NNMT: variants seen among roughly 807,000 people sequenced by gnomAD.
The protein encoded by NNMT is nicotinamide N-methyltransferase.
A neutral mutation model predicts 11.7 loss-of-function variants in NNMT; 10 were observed. The ratio of observed to expected loss-of-function variants is 0.85; its 90% CI spans 0.53 to 1.45. NNMT has a LOEUF of 1.45. Among genes scored for constraint, NNMT ranks in the 40% most tolerant of loss-of-function variants. NNMT has a pLI of 0.00. For synonymous variants in NNMT, 143 were observed against 133.8 expected, an observed-to-expected ratio of 1.07 and a Z score of -0.48; for missense variants, 381 against 319.4, an observed-to-expected ratio of 1.19 and a Z score of -1.47.
At chr11:114,295,419 C>CTTTTTT (rs35621813), upstream of NNMT, among the ~76,000 whole-genome samples, 22 of 85,010 alleles carry the variant, frequency 2.6e-4, no homozygotes, top group African/African-American at 6.1e-4. Context: ...TTAAAGAATT[C>CTTTTTT]TTTTTTTTTT....
At chr11:114,297,827 G>A in intron 1 of NNMT, 124 bp from the exon 2 acceptor site, 1 of 783,458 alleles carries the variant, frequency 1.3e-6, no homozygotes, top group African/African-American at 1.7e-5. Context: ...GGGAAAAGTT[G>A]TGAACAGTAG....
At chr11:114,293,632 A>G (rs1945350024), upstream of NNMT, among the ~76,000 whole-genome samples, 1 of 151,456 alleles carries the variant, frequency 6.6e-6, no homozygotes, top group South Asian at 2.1e-4. Flanking sequence ...CAAAAGGCAG[A>G]CAATAACAAA....
At chr11:114,294,633 A>G (rs761698022), upstream of NNMT, among the ~76,000 whole-genome samples, 3 of 152,182 alleles carry the variant, frequency 2.0e-5, no homozygotes, top group Non-Finnish European at 4.4e-5. Context: ...AAGTACTTGA[A>G]GTGGTGGATA....
At chr11:114,281,245 C>T (rs148402621) in intron 2 of NNMT, among the ~76,000 whole-genome samples, 7 of 152,250 alleles carry the variant, frequency 4.6e-5, no homozygotes, top group Admixed American at 2.0e-4. Flanking sequence ...TCACTAGATC[C>T]GTTCAATGGC....
At chr11:114,302,964 G>T (rs1039372957) in intron 2 of NNMT, among the ~76,000 whole-genome samples, 1 of 152,138 alleles carries the variant, frequency 6.6e-6, no homozygotes, top group South Asian at 2.1e-4. Context: ...CCCTGACCAG[G>T]CTGGCATCCT....
At chr11:114,301,533 A>G (rs1945439200) in intron 2 of NNMT, among the ~76,000 whole-genome samples, 1 of 152,216 alleles carries the variant, frequency 6.6e-6, no homozygotes, top group East Asian at 1.9e-4. Context: ...GGCTACATGT[A>G]TGATTCCAAC....
intron 2 of NNMT, among the ~76,000 whole-genome samples, chr11:114,267,318 A>G (rs1196783010): frequency 6.6e-6 from 1 of 152,160 alleles, no homozygotes; most frequent in African/African-American, 2.4e-5. Flanking sequence ...CCTAGCATTT[A>G]CCACTGTTTG....
chr11:114,306,827 C>T (rs1945496828), intron 2 of NNMT, among the ~76,000 whole-genome samples: 1 of 152,092 alleles, frequency 6.6e-6, no homozygotes, highest in Admixed American at 6.5e-5. Flanking sequence ...AGCTTAGGCC[C>T]CTGTCGAGGT....
intron 2 of NNMT, among the ~76,000 whole-genome samples, chr11:114,290,143 A>T (rs1211970840): frequency 1.3e-5 from 2 of 152,216 alleles, no homozygotes; most frequent in African/African-American, 4.8e-5. Flanking sequence ...TATGAATTTG[A>T]TGGGGAACAA....
intron 2 of NNMT, among the ~76,000 whole-genome samples, chr11:114,307,008 T>C (rs1478666241): frequency 1.3e-5 from 2 of 152,192 alleles, no homozygotes; most frequent in Non-Finnish European, 2.9e-5. Context: ...AAAAGGATAT[T>C]GATAAGCTTT....
intron 2 of NNMT, among the ~76,000 whole-genome samples, chr11:114,302,261 G>A (rs2135276416): frequency 6.6e-6 from 1 of 152,214 alleles, no homozygotes; most frequent in African/African-American, 2.4e-5. Context: ...TTCCCTTGGT[G>A]AATGCAGTAA....
intron 2 of NNMT, among the ~76,000 whole-genome samples, chr11:114,278,314 T>C (rs745537097): frequency 1.3e-5 from 2 of 152,146 alleles, no homozygotes; most frequent in Non-Finnish European, 2.9e-5. Flanking sequence ...ACTGTGAGGA[T>C]GGCACTAAGC....
intron 2 of NNMT, among the ~76,000 whole-genome samples, chr11:114,271,154 G>A (rs1016122410): frequency 3.3e-5 from 5 of 152,292 alleles, no homozygotes; most frequent in African/African-American, 1.2e-4. Context: ...TATGAATTTT[G>A]GGAGTGGGCA....
At chr11:114,290,339 C>T (rs1039021025) in intron 2 of NNMT, among the ~76,000 whole-genome samples, 1 of 152,128 alleles carries the variant, frequency 6.6e-6, no homozygotes, top group Middle Eastern at 3.2e-3. Context: ...GTTTCTTTTT[C>T]TCTCCATTCT....
rs1214302049 is a variant in NNMT at position 114,296,826 on chromosome 11, A to G, written c.154+116A>G. 44 of 1,001,632 alleles carry G rather than the reference A, an allele frequency of 4.4e-5. No individual in the cohort carries two copies. In the Admixed American group the frequency reaches 9.4e-4, roughly 22 times the overall value. The allele number at this position is 1,001,632 out of a possible 1,614,324, so 62.0% of individuals were successfully genotyped here. A position where few individuals can be genotyped will look rare whatever the true frequency, so the allele number is the denominator to read the frequency against. ...CTTCACAGCCCTTTTGGCATCACCC[A>G]TTTATTTAACTAGGATAAAAACGAA... is the stretch of plus-strand genomic sequence containing the variant. On this transcript the variant is annotated intron_variant, in intron 1 of 2. Coordinates refer to ENST00000299964, the MANE Select transcript of NNMT (RefSeq NM_006169.3).
rs539447443 is a variant in NNMT at position 114,258,515 on chromosome 11, T to G, written c.-217+637T>G. Among the ~76,000 whole-genome samples, 3 of 152,338 alleles carry G rather than the reference T, an allele frequency of 2.0e-5. No homozygotes were observed. The South Asian group carries it at 6.2e-4, about 32-fold the overall frequency. The stretch of plus-strand genomic sequence containing the variant: ...CCCATGTGGGAGCCCCTCACGCCCC[T>G]GGCACCAGGAAGGGAGGGGATTGGG... On this transcript the variant is annotated intron_variant, in intron 1 of 4. Coordinates refer to the NNMT transcript ENST00000535401.
intron 2 of NNMT, among the ~76,000 whole-genome samples, chr11:114,307,525 T>G (rs1451970692): frequency 2.6e-5 from 4 of 152,164 alleles, no homozygotes; most frequent in Non-Finnish European, 5.9e-5. Context: ...CACTCAATTC[T>G]TCTCTGTTCT....
chr11:114,294,875 C>T (rs975149260), upstream of NNMT, among the ~76,000 whole-genome samples: 6 of 152,130 alleles, frequency 3.9e-5, no homozygotes, highest in Non-Finnish European at 8.8e-5. Flanking sequence ...GGTTTTTTGG[C>T]TCTCAGTGTA....
At chr11:114,290,287 A>G (rs1945326271) in intron 2 of NNMT, among the ~76,000 whole-genome samples, 1 of 152,108 alleles carries the variant, frequency 6.6e-6, no homozygotes, top group South Asian at 2.1e-4. Context: ...CCTCAACCAA[A>G]TATCTTCTTA....
Sources: gnomAD v4.1 joint callset for allele counts (sites outside exome capture counted in the v4.1 genomes callset) on GRCh38, gnomAD v4.1.1 for gene constraint, MANE v1.5 for transcripts, NCBI Gene and HGNC (gene_info 2026-07-23, HGNC 2026-07-21) for gene names.